IQCM: variants seen among roughly 807,000 people sequenced by gnomAD.
IQCM encodes IQ motif containing M.
Under a neutral mutation model 57.6 loss-of-function variants are expected in IQCM, and 45 were observed. That is an observed-to-expected ratio of 0.78 (90% CI 0.62 to 1.00). IQCM has a LOEUF of 1.00. IQCM is among the 50% of genes least tolerant of loss of function. IQCM has a pLI of 0.00. For synonymous variants in IQCM, 148 were observed against 158.9 expected (o/e 0.93, Z 0.51); for missense variants, 468 against 511.6 (o/e 0.91, Z 0.82).
chr4:149,400,865 G>A (rs1380872804), intron 13 of IQCM, among the ~76,000 whole-genome samples: 1 of 151,866 alleles, frequency 6.6e-6, no homozygotes, highest in Non-Finnish European at 1.5e-5. Context: ...CAAATCTCAT[G>A]TAAAGCTGTA....
chr4:149,741,159 A>G (rs1182351845), intron 3 of IQCM, among the ~76,000 whole-genome samples: 1 of 152,096 alleles, frequency 6.6e-6, no homozygotes. Context: ...TTTTTCCGTA[A>G]TACATTCTGC....
intron 5 of IQCM, among the ~76,000 whole-genome samples, chr4:149,724,903 T>C: frequency 6.6e-6 from 1 of 152,106 alleles, no homozygotes. Context: ...TAGTCAATCA[T>C]TTTAGTAATC....
chr4:149,623,720 TGTG>T (rs1756549658), intron 7 of IQCM, among the ~76,000 whole-genome samples: 1 of 137,324 alleles, frequency 7.3e-6, no homozygotes, highest in African/African-American at 2.8e-5. Context: ...GAATCCCAGG[TGTG>T]TGTGTGTGTG....
chr4:149,589,704 T>C (rs1752953462), intron 8 of IQCM, among the ~76,000 whole-genome samples: 2 of 151,966 alleles, frequency 1.3e-5, no homozygotes, highest in Admixed American at 1.3e-4. Context: ...CTCTCAATAT[T>C]TGTTACATTT....
At chr4:149,573,212 T>C (rs543311513) in intron 9 of IQCM, among the ~76,000 whole-genome samples, 1 of 151,324 alleles carries the variant, frequency 6.6e-6, no homozygotes. Flanking sequence ...ATACATTATA[T>C]AATTGTAACT....
intron 13 of IQCM, among the ~76,000 whole-genome samples, chr4:149,431,293 T>C (rs1410081510): frequency 2.6e-5 from 4 of 152,048 alleles, no homozygotes; most frequent in Non-Finnish European, 1.5e-5. Flanking sequence ...AGCATGATAT[T>C]AGTGTTCCAG....
chr4:149,370,863 T>A (rs965908129), intron 13 of IQCM, among the ~76,000 whole-genome samples: 1 of 152,048 alleles, frequency 6.6e-6, no homozygotes, highest in African/African-American at 2.4e-5. Flanking sequence ...TTCTAGCAAA[T>A]GTGTATTTTT....
chr4:149,649,474 T>C (rs761833795), intron 7 of IQCM, among the ~76,000 whole-genome samples: 1 of 152,144 alleles, frequency 6.6e-6, no homozygotes, highest in African/African-American at 2.4e-5. Context: ...CAAACAAAAA[T>C]TGATCTGTGG....
chr4:149,501,826 TATG>T (rs1743274357), intron 12 of IQCM, among the ~76,000 whole-genome samples: 1 of 152,116 alleles, frequency 6.6e-6, no homozygotes, highest in African/African-American at 2.4e-5. Flanking sequence ...GGGCTACAGT[TATG>T]TGCAGATGAA....
chr4:149,728,448 C>T (rs1766158335), intron 5 of IQCM, among the ~76,000 whole-genome samples: 1 of 152,192 alleles, frequency 6.6e-6, no homozygotes, highest in Admixed American at 6.5e-5. Context: ...TTTGTATTCT[C>T]TGCACTGAGC....
intron 12 of IQCM, among the ~76,000 whole-genome samples, chr4:149,518,362 A>C (rs562189722): frequency 6.6e-6 from 1 of 152,288 alleles, no homozygotes; most frequent in South Asian, 2.1e-4. Flanking sequence ...GTATTCCCTT[A>C]CTCACGAATC....
chr4:149,454,473 G>C (rs1737471241), intron 12 of IQCM, among the ~76,000 whole-genome samples: 1 of 151,802 alleles, frequency 6.6e-6, no homozygotes, highest in South Asian at 2.1e-4. Flanking sequence ...TTAGGGTTGG[G>C]AGTGGGAGGA....
At chr4:149,356,124 A>G (rs1337445075) in intron 13 of IQCM, among the ~76,000 whole-genome samples, 1 of 152,014 alleles carries the variant, frequency 6.6e-6, no homozygotes, top group Non-Finnish European at 1.5e-5. Flanking sequence ...GTTTGAGTTC[A>G]TCGTAGATTC....
At chr4:149,780,973 G>A (rs1771552460) in intron 2 of IQCM, among the ~76,000 whole-genome samples, 1 of 152,142 alleles carries the variant, frequency 6.6e-6, no homozygotes, top group Admixed American at 6.5e-5. Context: ...TTCAAATGGT[G>A]AATTTAAGTA....
chr4:149,558,083 C>A (rs1209062636), intron 10 of IQCM, among the ~76,000 whole-genome samples: 2 of 152,168 alleles, frequency 1.3e-5, no homozygotes, highest in Admixed American at 6.5e-5. Context: ...TGGTTTTCTT[C>A]TTACCTCTCT....
intron 2 of IQCM, among the ~76,000 whole-genome samples, chr4:149,794,173 G>A (rs1772899481): frequency 1.3e-5 from 2 of 152,200 alleles, no homozygotes; most frequent in South Asian, 4.1e-4. Context: ...GCTAGAAATG[G>A]GGCAGGAGTA....
intron 10 of IQCM, 81 bp downstream of exon 10, chr4:149,563,611 C>G: frequency 2.1e-6 from 2 of 953,882 alleles, no homozygotes; most frequent in Non-Finnish European, 2.7e-6. Context: ...TGTACATTGA[C>G]CAGATGACTA....
chr4:149,459,589 A>G (rs1738054376), intron 12 of IQCM, among the ~76,000 whole-genome samples: 1 of 152,164 alleles, frequency 6.6e-6, no homozygotes, highest in Non-Finnish European at 1.5e-5. Flanking sequence ...CTTTAGACTC[A>G]TTAAACAATA....
At chr4:149,614,184 T>C (rs1755574263) in intron 8 of IQCM, among the ~76,000 whole-genome samples, 2 of 152,186 alleles carry the variant, frequency 1.3e-5, no homozygotes, top group South Asian at 2.1e-4. Flanking sequence ...GTCCATAATA[T>C]GTTCTTTGAA....
Sources: gnomAD v4.1 joint callset for allele counts (sites outside exome capture counted in the v4.1 genomes callset) on GRCh38, gnomAD v4.1.1 for gene constraint, MANE v1.5 for transcripts, NCBI Gene and HGNC (gene_info 2026-07-23, HGNC 2026-07-21) for gene names.